THSD7B: variants seen among roughly 807,000 people sequenced by gnomAD.
THSD7B encodes the protein thrombospondin type 1 domain containing 7B.
In THSD7B, 138 loss-of-function variants were observed where a neutral mutation model predicts 213.6. The ratio of observed to expected loss-of-function variants is 0.65; its 90% CI spans 0.56 to 0.74. The LOEUF is 0.74. Among genes scored for constraint, THSD7B ranks in the 30% least tolerant of loss-of-function variants. The pLI is 0.00. For synonymous variants in THSD7B, 742 were observed against 687.0 expected (o/e 1.08, Z -1.25); for missense variants, 1,931 against 1,991.5 (o/e 0.97, Z 0.58).
At chr2:136,813,960 T>C (rs182426621) in intron 1 of THSD7B, among the ~76,000 whole-genome samples, 3 of 152,336 alleles carry the variant, frequency 2.0e-5, no homozygotes, top group Non-Finnish European at 2.9e-5. Flanking sequence ...ACTTGTTCTT[T>C]TGGCTTCCTG....
chr2:137,536,115 A>G (rs1192238543), intron 15 of THSD7B, among the ~76,000 whole-genome samples: 2 of 149,662 alleles, frequency 1.3e-5, no homozygotes, highest in African/African-American at 4.9e-5. Context: ...ATCACTCATG[A>G]CACCAGTGGT....
chr2:137,611,814 A>C (rs1315426830), intron 17 of THSD7B, among the ~76,000 whole-genome samples: 2 of 152,244 alleles, frequency 1.3e-5, no homozygotes, highest in African/African-American at 4.8e-5. Context: ...ATTTCCTTTT[A>C]AATCCCTATT....
chr2:137,131,855 C>T (rs1252797303), intron 5 of THSD7B, among the ~76,000 whole-genome samples: 1 of 152,066 alleles, frequency 6.6e-6, no homozygotes. Context: ...ATTGACTTGG[C>T]AATGTGGGCT....
intron 7 of THSD7B, among the ~76,000 whole-genome samples, chr2:137,189,299 G>T (rs185912485): frequency 9.4e-4 from 143 of 152,264 alleles, no homozygotes; most frequent in African/African-American, 3.4e-3. Flanking sequence ...TTCAACACTT[G>T]TCAAGAACCT....
At chr2:137,111,915 C>T (rs1441149271) in intron 4 of THSD7B, among the ~76,000 whole-genome samples, 1 of 152,076 alleles carries the variant, frequency 6.6e-6, no homozygotes, top group Non-Finnish European at 1.5e-5. Flanking sequence ...CCCTTTTAAC[C>T]AAGAGGGCCA....
At chr2:137,196,381 T>G (rs907529723) in intron 7 of THSD7B, among the ~76,000 whole-genome samples, 4 of 8,236 alleles carry the variant, frequency 4.9e-4, no homozygotes, top group Admixed American at 3.2e-3. Context: ...CTGCTGTTTT[T>G]TTTTTTTTTT....
chr2:136,874,945 G>A (rs1465936475), intron 1 of THSD7B, among the ~76,000 whole-genome samples: 2 of 152,102 alleles, frequency 1.3e-5, no homozygotes, highest in African/African-American at 4.8e-5. Context: ...ACAAACAGAG[G>A]AGTGGAATCT....
At chr2:137,256,523 A>G (rs989417382) in intron 10 of THSD7B, among the ~76,000 whole-genome samples, 3 of 152,212 alleles carry the variant, frequency 2.0e-5, no homozygotes, top group Admixed American at 2.0e-4. Flanking sequence ...TGAATGAATT[A>G]CAGGTGGCTA....
At chr2:137,013,211 G>A (rs1263470446) in intron 2 of THSD7B, among the ~76,000 whole-genome samples, 1 of 152,158 alleles carries the variant, frequency 6.6e-6, no homozygotes, top group African/African-American at 2.4e-5. Flanking sequence ...TACTCTCTTA[G>A]CTGAAACAAT....
chr2:137,372,939 T>C (rs1685564006), intron 12 of THSD7B, among the ~76,000 whole-genome samples: 1 of 148,810 alleles, frequency 6.7e-6, no homozygotes, highest in Non-Finnish European at 1.5e-5. Context: ...TGAGTGTGAA[T>C]ATGTGGTGTT....
intron 12 of THSD7B, among the ~76,000 whole-genome samples, chr2:137,342,888 A>G (rs1271721124): frequency 6.6e-6 from 1 of 151,648 alleles, no homozygotes; most frequent in Non-Finnish European, 1.5e-5. Flanking sequence ...AATCCCAGGT[A>G]GTAATGGTGG....
intron 3 of THSD7B, among the ~76,000 whole-genome samples, chr2:137,067,265 G>T (rs1339338950): frequency 1.3e-5 from 2 of 152,066 alleles, no homozygotes; most frequent in Non-Finnish European, 2.9e-5. Flanking sequence ...TTGAAAGCTG[G>T]ACATGATGTA....
chr2:137,065,216 G>T (rs1445953013), intron 3 of THSD7B, among the ~76,000 whole-genome samples: 3 of 151,790 alleles, frequency 2.0e-5, no homozygotes, highest in African/African-American at 7.3e-5. Flanking sequence ...AGTTTTCATT[G>T]TAGAGATCTT....
At chr2:137,229,488 G>A (rs962103815) in intron 7 of THSD7B, among the ~76,000 whole-genome samples, 78 of 152,234 alleles carry the variant, frequency 5.1e-4, no homozygotes, top group African/African-American at 1.8e-3. Flanking sequence ...TAATATGCTT[G>A]AAAAGCTTTA....
intron 12 of THSD7B, among the ~76,000 whole-genome samples, chr2:137,399,589 A>G (rs371347591): frequency 1.3e-5 from 2 of 152,130 alleles, no homozygotes; most frequent in South Asian, 2.1e-4. Context: ...TCCTTTAAAG[A>G]TGACTAGGTA....
At chr2:137,451,272 A>G (rs1687645900) in intron 15 of THSD7B, among the ~76,000 whole-genome samples, 1 of 151,972 alleles carries the variant, frequency 6.6e-6, no homozygotes, top group African/African-American at 2.4e-5. Flanking sequence ...AATCAAATTG[A>G]TTTTAAAATA....
chr2:137,487,374 C>CAAAAA (rs35759254), intron 15 of THSD7B, among the ~76,000 whole-genome samples: 130 of 32,886 alleles, frequency 4.0e-3, no homozygotes, highest in South Asian at 6.1e-3. Context: ...GACTCCGTCT[C>CAAAAA]AAAAAAAAAA....
chr2:137,269,367 G>A (rs937876172), intron 10 of THSD7B, among the ~76,000 whole-genome samples: 1 of 152,182 alleles, frequency 6.6e-6, no homozygotes, highest in Non-Finnish European at 1.5e-5. Context: ...GTCTGTATGC[G>A]AGTGTGTACC....
At chr2:137,670,599 T>C (rs1683541965) in intron 27 of THSD7B, among the ~76,000 whole-genome samples, 1 of 152,214 alleles carries the variant, frequency 6.6e-6, no homozygotes, top group Non-Finnish European at 1.5e-5. Context: ...TCTTACATCA[T>C]ATATAAATAC....
Sources: gnomAD v4.1 joint callset for allele counts (sites outside exome capture counted in the v4.1 genomes callset) on GRCh38, gnomAD v4.1.1 for gene constraint, MANE v1.5 for transcripts, NCBI Gene and HGNC (gene_info 2026-07-23, HGNC 2026-07-21) for gene names.